Variants in ANKRD24 observed in about 807,000 individuals in gnomAD.
The protein encoded by ANKRD24 is ankyrin repeat domain-containing protein 24.
In ANKRD24, 109 loss-of-function variants were observed where a neutral mutation model predicts 127.8. That is an observed-to-expected ratio of 0.85 (90% CI 0.73 to 1.00). The LOEUF (loss-of-function observed/expected upper bound fraction) is 1.00. Ranked by LOEUF, ANKRD24 falls within the 50% of genes least tolerant of loss-of-function variation. ANKRD24 has a pLI of 0.00. For missense variants in ANKRD24, 1,648 were observed against 1,570.2 expected (o/e 1.05, Z -0.84); for synonymous variants, 743 against 671.1 (o/e 1.11, Z -1.66).
At chr19:4,216,492 G>A in intron 17 of ANKRD24, 58 bp from the exon 18 acceptor site, 2 of 1,561,068 alleles carry the variant, frequency 1.3e-6, no homozygotes, top group Non-Finnish European at 1.7e-6. Context: ...AGGCTGCCCT[G>A]TGTCCCCACG....
At chr19:4,211,192 C>T (rs1342388352) in intron 13 of ANKRD24, among the ~76,000 whole-genome samples, 1 of 152,150 alleles carries the variant, frequency 6.6e-6, no homozygotes, top group African/African-American at 2.4e-5. Context: ...TATGTGTGTC[C>T]ACCCATTTGA....
intron 1 of ANKRD24, 188 bp from the exon 2 acceptor site, chr19:4,186,202 C>A: frequency 7.5e-7 from 1 of 1,340,424 alleles, no homozygotes; most frequent in Non-Finnish European, 9.8e-7. Context: ...GGAAGTAAAA[C>A]AGAGAGGGCA....
Position 4,198,538 on chromosome 19 carries a change from G to T in ANKRD24, c.37-1145G>T. The T allele has an allele frequency of 1.7e-6, 1 of 574,816 alleles. No homozygotes were observed. The highest frequency in any genetic ancestry group is 3.1e-6 in the Non-Finnish European group (1 of 321,026). 35.6% of individuals were successfully genotyped at this position (574,816 alleles called of 1,614,324 possible). A position where few individuals can be genotyped will look rare whatever the true frequency, so the allele number is the denominator to read the frequency against. On this transcript the variant is annotated intron_variant, in intron 2 of 21. Transcript: ENST00000318934. This position sits in a 1 kb window ranked among gnomAD's most constrained non-coding sequence, Gnocchi z 6.1. The stretch of plus-strand genomic sequence containing the variant: ...GCGCAGCCGCCTCCTTCGCGGTAGG[G>T]CCCGGGGAGGGGGCGCAGGAGCGGG...
At chr19:4,182,863 A>T (rs531826504) in intron 1 of ANKRD24, 123 bp downstream of exon 1, 1 of 501,900 alleles carries the variant, frequency 2.0e-6, no homozygotes, top group Non-Finnish European at 2.6e-6. Flanking sequence ...TGTCCCCACA[A>T]CCCCTTTTAC....
At chr19:4,187,884 G>A (rs1410534544) in intron 2 of ANKRD24, among the ~76,000 whole-genome samples, 1 of 152,162 alleles carries the variant, frequency 6.6e-6, no homozygotes, top group Non-Finnish European at 1.5e-5. Context: ...GGCACGTGAG[G>A]AGCGGGGCAC....
chr19:4,224,235 C>A (rs1186829027), intron 21 of ANKRD24, 43 bp downstream of exon 21: 1 of 1,561,464 alleles, frequency 6.4e-7, no homozygotes. Context: ...TTTGGGCATA[C>A]CACTGTTGCT....
chr19:4,216,215 C>A, intron 16 of ANKRD24, 69 bp from the exon 17 acceptor site: 2 of 1,471,876 alleles, frequency 1.4e-6, no homozygotes, highest in Non-Finnish European at 9.3e-7. Context: ...TGATCCACCA[C>A]TCCAGCCCCC....
At chr19:4,204,415 G>C (rs962545628) in intron 7 of ANKRD24, among the ~76,000 whole-genome samples, 1 of 152,108 alleles carries the variant, frequency 6.6e-6, no homozygotes, top group East Asian at 1.9e-4. Flanking sequence ...GTAAATCGTA[G>C]GGAATCCAGG....
In ANKRD24 at chr19:4,195,761, G is replaced by A. The variant is rs1014115899; in HGVS notation, c.37-3922G>A. Among the ~76,000 whole-genome samples the A allele has an allele frequency of 6.6e-6, 1 of 152,166 alleles. No individual in the cohort carries two copies. The highest frequency in any genetic ancestry group is 2.4e-5 in the African/African-American group (1 of 41,446). On this transcript the variant is annotated intron_variant, in intron 2 of 21. Transcript: ENST00000318934. The surrounding 1 kb of genome is among the most constrained non-coding windows in gnomAD (Gnocchi z 4.2). ...ATACAAAAATTCGCTAGGCGTGGTG[G>A]CGTGTGCCTGTAATCCCAGCTACTC...
intron 2 of ANKRD24, among the ~76,000 whole-genome samples, chr19:4,188,277 A>G (rs1252793382): frequency 6.6e-6 from 1 of 150,430 alleles, no homozygotes; most frequent in Non-Finnish European, 1.5e-5. Context: ...GGACTTCACC[A>G]TGTTGGCCAG....
chr19:4,209,939 G>T (rs1003797267), intron 11 of ANKRD24, 119 bp from the exon 12 acceptor site: 1 of 629,792 alleles, frequency 1.6e-6, no homozygotes, highest in South Asian at 1.9e-5. Context: ...AGGGGCTGCT[G>T]GTTCCATGTT....
chr19:4,192,669 G>A (rs996419582), intron 2 of ANKRD24, among the ~76,000 whole-genome samples: 3 of 151,216 alleles, frequency 2.0e-5, no homozygotes, highest in East Asian at 2.0e-4. Flanking sequence ...AGTGGCTCAC[G>A]CCTGTAATCC....
intron 2 of ANKRD24, among the ~76,000 whole-genome samples, chr19:4,196,102 G>A (rs1442343349): frequency 6.6e-6 from 1 of 152,152 alleles, no homozygotes; most frequent in Non-Finnish European, 1.5e-5. Context: ...GCAGTGCCCA[G>A]GACAGCCCCA....
rs188809457 is a variant in ANKRD24, at chr19:4,198,467, C to T, written c.37-1216C>T. 4 of 616,538 alleles carry T rather than the reference C, an allele frequency of 6.5e-6. No homozygotes were observed. Among genetic ancestry groups the T allele is most frequent in the African/African-American group, 5.7e-5 (3 of 52,200 alleles). 38.2% of individuals were successfully genotyped at this position (616,538 alleles called of 1,614,324 possible). On this transcript the variant is annotated intron_variant, in intron 2 of 21. Coordinates refer to ENST00000318934, the MANE Select transcript of ANKRD24 (RefSeq NM_001393985.1). This position sits in a 1 kb window ranked among gnomAD's most constrained non-coding sequence, Gnocchi z 6.1. ...CCGCCTCCTCTTGGAACCCCGTGCGCCCCCCGCGCCCCGCGCCCCGGACGC... is the reference window on the plus strand; with the variant it reads ...CCGCCTCCTCTTGGAACCCCGTGCGTCCCCCGCGCCCCGCGCCCCGGACGC...
At position 4,217,592 on chromosome 19, in the gene ANKRD24, C is replaced by T. The variant is rs1467053729; in HGVS notation, c.2432C>T (p.Ala811Val). The T allele has an allele frequency of 7.7e-7, 1 of 1,303,788 alleles. No individual in the cohort carries two copies. Among genetic ancestry groups the T allele is most frequent in the South Asian group, 2.2e-5 (1 of 46,214 alleles). 80.8% of individuals were successfully genotyped at this position (1,303,788 alleles called of 1,614,324 possible). Residue 811 changes from alanine (A) to valine (V), a missense_variant, in exon 18 of 22, where the codon GCC becomes GTC. Coordinates refer to ENST00000318934, the MANE Select transcript of ANKRD24 (RefSeq NM_001393985.1). The stretch of plus-strand genomic sequence containing the variant: ...TCCCGCCTGCGGGAGCTGGAGGCGG[C>T]CTCGGCCTGCCTGGATGAGGCTCGG... ...RDSRLRELEAASACLDEARAS... is the reference protein window; with the variant it reads ...RDSRLRELEAVSACLDEARAS...
intron 1 of ANKRD24, chr19:4,183,227 G>A (rs1967844092): frequency 3.7e-6 from 3 of 821,308 alleles, no homozygotes; most frequent in Non-Finnish European, 2.9e-6. Context: ...TGATCTGACC[G>A]CCTCGGCCTC....
chr19:4,223,768 G>A (rs1452504044), intron 20 of ANKRD24, among the ~76,000 whole-genome samples: 2 of 151,992 alleles, frequency 1.3e-5, no homozygotes, highest in Non-Finnish European at 2.9e-5. Context: ...GTTTCACCAT[G>A]TTAGCCAGGG....
rs1187647443 is a variant in ANKRD24, at chr19:4,212,615, C to T, written c.1114C>T (p.Gln372Ter). 1 of 1,551,176 alleles carries T rather than the reference C, an allele frequency of 6.4e-7. No homozygotes were observed. The highest frequency in any genetic ancestry group is 2.0e-5 in the Admixed American group (1 of 50,982). Residue 372 changes from glutamine (Q) to a stop codon, truncating the protein, a stop_gained, in exon 15 of 22, where the codon CAG (glutamine) becomes TAG (stop). Transcript: ENST00000318934. LOFTEE classifies it high-confidence loss of function. The part of the protein sequence containing the change: ...ILERQVQELQ[Q>*]LLVERQEEKE... ...CTGCTCCCAGGTGCAAGAGCTACAG[C>T]AGTTGCTGGTGGAGAGACAAGAGGA...
At chr19:4,208,575 A>T (rs1050569344) in intron 10 of ANKRD24, among the ~76,000 whole-genome samples, 189 bp from the exon 11 acceptor site, 1 of 151,766 alleles carries the variant, frequency 6.6e-6, no homozygotes, top group African/African-American at 2.4e-5. Context: ...GAGTCACCCC[A>T]TCCAGCCTAT....
Sources: gnomAD v4.1 joint callset for allele counts (sites outside exome capture counted in the v4.1 genomes callset) on GRCh38, gnomAD v4.1.1 for gene constraint, Gnocchi (gnomAD v3.1) non-coding constraint, MANE v1.5 for transcripts, NCBI Gene and HGNC (gene_info 2026-07-23, HGNC 2026-07-21) for gene names.